The following GMPR2 variants were observed in gnomAD, a reference collection of about 807,000 sequenced individuals.
GMPR2 encodes guanosine monophosphate reductase 2, also known as GMP reductase 2.
Under a neutral mutation model 38.5 loss-of-function variants are expected in GMPR2, and 32 were observed. The observed-to-expected ratio is 0.83, with a 90% CI of 0.63 to 1.12. The LOEUF (loss-of-function observed/expected upper bound fraction) is 1.12. Among genes scored for constraint, GMPR2 ranks in the 50% most tolerant of loss-of-function variants. The pLI is 0.00. For synonymous variants in GMPR2, 154 were observed against 151.0 expected (o/e 1.02, Z -0.15); for missense variants, 396 against 432.1 (o/e 0.92, Z 0.74).
Position 24,238,969 on chromosome 14 carries a change from G to A in GMPR2, c.*191G>A, listed in dbSNP as rs1328094187. The A allele has an allele frequency of 4.4e-6, 3 of 675,334 alleles. No individual in the cohort carries two copies. Among genetic ancestry groups the A allele is most frequent in the East Asian group, 2.9e-5 (1 of 34,786 alleles). 41.8% of individuals were successfully genotyped at this position (675,334 alleles called of 1,614,324 possible). A position where few individuals can be genotyped will look rare whatever the true frequency, so the allele number is the denominator to read the frequency against. On this transcript the variant is annotated 3_prime_UTR_variant, in exon 10 of 10. Transcript: ENST00000399440. ...ACAAAATGCCCAAGGCACTCACTGG[G>A]GAGGAAGCAAGGAAGCAAACAGTCT... is the stretch of plus-strand genomic sequence containing the variant.
At chr14:24,232,894 C>T (rs2040111846), upstream of GMPR2, 2 of 399,078 alleles carry the variant, frequency 5.0e-6, no homozygotes, top group East Asian at 9.4e-5. Context: ...TCCCCGCCCC[C>T]CGTCGCCAAC....
chr14:24,235,538 C>T (rs2040296606), intron 3 of GMPR2, 199 bp from the exon 4 acceptor site: 3 of 597,014 alleles, frequency 5.0e-6, no homozygotes, highest in Non-Finnish European at 8.9e-6. Flanking sequence ...CTGACAAGTA[C>T]TAGCTTATGG....
intron 8 of GMPR2, 108 bp from the exon 9 acceptor site, chr14:24,238,138 G>A (rs537260093): frequency 2.0e-5 from 20 of 1,008,110 alleles, no homozygotes; most frequent in African/African-American, 1.1e-4. Context: ...GGAGGAAGAC[G>A]CTGGAATCAT....
Position 24,239,155 on chromosome 14 carries a change from C to G in GMPR2, c.*377C>G, listed in dbSNP as rs765722444. The stretch of plus-strand genomic sequence containing the variant: ...AATCATGTTTTGTTAATCCGCTTCA[C>G]TAAATTGGACCTTCACATATCTAAA... On this transcript the variant is annotated 3_prime_UTR_variant, in exon 10 of 10. Coordinates refer to ENST00000399440, the MANE Select transcript of GMPR2 (RefSeq NM_001002002.3). The G allele has an allele frequency of 2.6e-6, 1 of 380,904 alleles. No homozygotes were observed. The highest frequency in any genetic ancestry group is 5.1e-6 in the Non-Finnish European group (1 of 195,728). 23.6% of individuals were successfully genotyped at this position (380,904 alleles called of 1,614,324 possible).
Position 24,233,318 on chromosome 14 carries a change from G to A in GMPR2, c.65G>A (p.Ser22Asn). Residue 22 changes from serine (S) to asparagine (N), a missense_variant, in exon 2 of 10, where the codon AGT (serine) becomes AAT (asparagine). Ser to Asn is a conservative substitution (Grantham distance 46). Transcript: ENST00000399440. ...GATGTCCTTTTGAGGCCCAAACGCAGTACCCTTAAGTCTCGAAGTGAGGTG... is the reference window on the plus strand; with the variant it reads ...GATGTCCTTTTGAGGCCCAAACGCAATACCCTTAAGTCTCGAAGTGAGGTG... Reference protein sequence around the residue: ...FKDVLLRPKRSTLKSRSEVDL... With the variant: ...FKDVLLRPKRNTLKSRSEVDL... 2 of 1,614,090 alleles carry A rather than the reference G, an allele frequency of 1.2e-6. No individual in the cohort carries two copies. Among genetic ancestry groups the A allele is most frequent in the Non-Finnish European group, 8.5e-7 (1 of 1,179,990 alleles).
rs1205494821 is a variant in GMPR2 at position 24,236,160 on chromosome 14, G to C, written c.465+20G>C. On this transcript the variant is annotated intron_variant, in intron 5 of 9. Coordinates refer to ENST00000399440, the MANE Select transcript of GMPR2 (RefSeq NM_001002002.3). Reference sequence around the variant, plus strand: ...ATCATGGTATGTTTCTATTACAGTCGGTACCTTTTTATCTTTCCACTTTCC... The same window carrying C: ...ATCATGGTATGTTTCTATTACAGTCCGTACCTTTTTATCTTTCCACTTTCC... 2 of 1,597,342 alleles carry C rather than the reference G, an allele frequency of 1.3e-6. No homozygotes were observed. The highest frequency in any genetic ancestry group is 2.7e-5 in the African/African-American group (2 of 74,486).
chr14:24,237,003 TA>T, intron 5 of GMPR2, 67 bp from the exon 6 acceptor site: 2 of 1,151,074 alleles, frequency 1.7e-6, no homozygotes, highest in Non-Finnish European at 2.6e-6. Context: ...GGTCCATGCA[TA>T]CCGTAACAAT....
intron 1 of GMPR2, 71 bp from the exon 2 acceptor site, chr14:24,233,148 A>G: frequency 6.2e-7 from 1 of 1,605,322 alleles, no homozygotes; most frequent in Non-Finnish European, 8.5e-7. Flanking sequence ...TTAAGCGAAG[A>G]GAGGCCACCA....
Position 24,235,979 on chromosome 14 carries a change from A to T in GMPR2, c.304A>T (p.Ser102Cys). Residue 102 changes from serine to cysteine, a missense_variant, in exon 5 of 10, where the codon AGC (serine) becomes TGC (cysteine). By Grantham distance (112) the Ser-to-Cys change is moderately radical. Transcript: ENST00000399440. Reference protein sequence around the residue: ...NPDCLEHLAASSGTGSSDFEQ... With the variant: ...NPDCLEHLAACSGTGSSDFEQ... ...GTTTCTCCCACAGCATCTGGCTGCC[A>T]GCTCAGGCACAGGCTCTTCTGACTT... is the stretch of plus-strand genomic sequence containing the variant. 6.2e-7 allele frequency: 1 copy of T among 1,614,086 alleles called. No homozygotes were observed.
rs766053549 is a variant in GMPR2 at position 24,238,308 on chromosome 14, G to A, written c.760G>A (p.Glu254Lys). The A allele has an allele frequency of 4.3e-6, 7 of 1,614,138 alleles. No individual in the cohort carries two copies. In the South Asian group the frequency reaches 7.7e-5, roughly 18 times the overall value. ...GGCTGGGCACAGTGAGTCAGGTGGT[G>A]AGCTCATCGAGAGGGATGGCAAGAA... ...MLAGHSESGG[E>K]LIERDGKKYK... is the part of the protein sequence containing the mutation. The change falls in exon 9 of 10, where the codon GAG becomes AAG. Residue 254 changes from glutamate (E) to lysine (K), a missense_variant. By Grantham distance (56) the Glu-to-Lys change is moderately conservative. Coordinates refer to ENST00000399440, the MANE Select transcript of GMPR2 (RefSeq NM_001002002.3).
intron 8 of GMPR2, chr14:24,237,824 G>A (rs1249381398): frequency 3.6e-6 from 2 of 548,218 alleles, no homozygotes; most frequent in Admixed American, 6.7e-5. Flanking sequence ...CTAAAAATAG[G>A]CTCTGAGGAA....
At position 24,236,015 on chromosome 14, in the gene GMPR2, G is replaced by A. The variant is rs760409392; in HGVS notation, c.340G>A (p.Glu114Lys). 6.2e-7 allele frequency: 1 copy of A among 1,614,112 alleles called. No homozygotes were observed. Among genetic ancestry groups the A allele is most frequent in the Admixed American group, 1.7e-5 (1 of 60,020 alleles). ...GTGSSDFEQL[E>K]QILEAIPQVK... ...AGGCTCTTCTGACTTTGAGCAGCTGGAACAGATCCTGGAAGCTATTCCCCA... is the reference window on the plus strand; with the variant it reads ...AGGCTCTTCTGACTTTGAGCAGCTGAAACAGATCCTGGAAGCTATTCCCCA... Residue 114 changes from glutamate to lysine, a missense_variant, in exon 5 of 10, where the codon GAA becomes AAA. By Grantham distance (56) the Glu-to-Lys change is moderately conservative (BLOSUM62 1). Transcript: ENST00000399440.
intron 3 of GMPR2, chr14:24,233,811 C>G (rs2040202331): frequency 1.6e-6 from 1 of 634,418 alleles, no homozygotes; most frequent in South Asian, 1.9e-5. Context: ...AGTTCTGCTC[C>G]GATATTTCTG....
intron 5 of GMPR2, 75 bp downstream of exon 5, chr14:24,236,215 T>C: frequency 9.8e-7 from 1 of 1,021,192 alleles, no homozygotes. Flanking sequence ...ATCAGTCCAT[T>C]TCTCCTCTGC....
In GMPR2 at chr14:24,239,037, A is replaced by G. The variant is rs1232435706; in HGVS notation, c.*259A>G. The G allele has an allele frequency of 5.2e-6, 3 of 578,874 alleles. No individual in the cohort carries two copies. Among genetic ancestry groups the G allele is most frequent in the Non-Finnish European group, 9.8e-6 (3 of 306,906 alleles). 35.9% of individuals were successfully genotyped at this position (578,874 alleles called of 1,614,324 possible). A position where few individuals can be genotyped will look rare whatever the true frequency, so the allele number is the denominator to read the frequency against. On this transcript the variant is annotated 3_prime_UTR_variant, in exon 10 of 10. Transcript: ENST00000399440. Reference sequence around the variant, plus strand: ...AAATCAAATGGGAATCTGGGGACCCAACACAACATCCTGAAGATTATTAAA... The same window carrying G: ...AAATCAAATGGGAATCTGGGGACCCGACACAACATCCTGAAGATTATTAAA...
At position 24,236,029 on chromosome 14, in the gene GMPR2, A is replaced by C; in HGVS notation, c.354A>C (p.Glu118Asp). 6.2e-7 allele frequency: 1 copy of C among 1,613,832 alleles called. No homozygotes were observed. Among genetic ancestry groups the C allele is most frequent in the South Asian group, 1.1e-5 (1 of 91,088 alleles). Residue 118 changes from glutamate to aspartate, a missense_variant, in exon 5 of 10, where the codon GAA becomes GAC. Coordinates refer to ENST00000399440, the MANE Select transcript of GMPR2 (RefSeq NM_001002002.3). Reference protein sequence around the residue: ...SDFEQLEQILEAIPQVKYICL... With the variant: ...SDFEQLEQILDAIPQVKYICL... ...TTGAGCAGCTGGAACAGATCCTGGA[A>C]GCTATTCCCCAGGTGAAGTATATAT...
intron 8 of GMPR2, 179 bp downstream of exon 8, chr14:24,237,741 CAAG>C (rs1566684244): frequency 1.6e-6 from 1 of 634,828 alleles, no homozygotes; most frequent in Non-Finnish European, 2.8e-6. Context: ...TCTGAGACTC[CAAG>C]TGTGGGCCAG....
In GMPR2 at chr14:24,233,231, T is replaced by C. The variant is rs909034529; in HGVS notation, c.-23T>C. 5 of 1,613,688 alleles carry C rather than the reference T, an allele frequency of 3.1e-6. No homozygotes were observed. The highest frequency in any genetic ancestry group is 1.3e-5 in the African/African-American group (1 of 74,892). On this transcript the variant is annotated 5_prime_UTR_variant, in exon 2 of 10. Coordinates refer to ENST00000399440, the MANE Select transcript of GMPR2 (RefSeq NM_001002002.3). ...TCCTGCCTTCCAGCCCTCAGATTCA[T>C]CGCTACCCCGAGGCTAAGCGCCATG...
Position 24,233,342 on chromosome 14 carries a change from T to G in GMPR2, c.87+2T>G, listed in dbSNP as rs200988345. ...AGTACCCTTAAGTCTCGAAGTGAGG[T>G]GAGCAAGCTTCTCTACTTGCTGTTT... On this transcript the variant is annotated splice_donor_variant, in intron 2 of 9. Coordinates refer to ENST00000399440, the MANE Select transcript of GMPR2 (RefSeq NM_001002002.3). LOFTEE classifies it high-confidence loss of function. 6 of 1,613,820 alleles carry G rather than the reference T, an allele frequency of 3.7e-6. No homozygotes were observed. Among genetic ancestry groups the G allele is most frequent in the Non-Finnish European group, 5.1e-6 (6 of 1,179,906 alleles).
Sources: allele counts gnomAD v4.1 joint callset, GRCh38; gene constraint gnomAD v4.1.1; transcripts MANE v1.5; gene names NCBI Gene and HGNC (gene_info 2026-07-23, HGNC 2026-07-21).